The following HELLS variants were observed in gnomAD, a reference collection of about 807,000 sequenced individuals.
HELLS encodes lymphoid-specific helicase.
In HELLS, 32 loss-of-function variants were observed where a neutral mutation model predicts 120.0. The ratio of observed to expected loss-of-function variants is 0.27; its 90% CI spans 0.20 to 0.36. HELLS has a LOEUF of 0.36. Among genes scored for constraint, HELLS ranks in the 10% least tolerant of loss-of-function variants. The pLI, the probability that HELLS is intolerant of heterozygous loss-of-function variation, is 1.00. For synonymous variants in HELLS, 341 were observed against 323.4 expected (o/e 1.05, Z -0.58); for missense variants, 650 against 993.4 (o/e 0.65, Z 4.65).
At chr10:94,563,297 TG>T (rs1317707186) in intron 6 of HELLS, among the ~76,000 whole-genome samples, 1 of 152,088 alleles carries the variant, frequency 6.6e-6, no homozygotes, top group Non-Finnish European at 1.5e-5. Context: ...GGTTTCACCA[TG>T]TTGGCCAGGC....
Position 94,593,531 on chromosome 10 carries a change from T to A in HELLS, c.2004T>A (p.Phe668Leu). The A allele has an allele frequency of 6.2e-7, 1 of 1,613,670 alleles. No individual in the cohort carries two copies. The highest frequency in any genetic ancestry group is 8.5e-7 in the Non-Finnish European group (1 of 1,179,536). Residue 668 changes from phenylalanine (F) to leucine (L), a missense_variant, in exon 18 of 22, where the codon TTT (phenylalanine) becomes TTA (leucine). Coordinates refer to ENST00000348459, the MANE Select transcript of HELLS (RefSeq NM_018063.5). Reference sequence around the variant, plus strand: ...GCTTCAACACGGATCCAGAGGTGTTTATCTTCTTAGTGAGTACACGAGCTG... The same window carrying A: ...GCTTCAACACGGATCCAGAGGTGTTAATCTTCTTAGTGAGTACACGAGCTG... ...MHSFNTDPEV[F>L]IFLVSTRAGG...
rs144315396 is a variant in HELLS, at chr10:94,574,308, A to G, written c.705+121A>G. 4.0e-5 allele frequency: 30 copies of G among 742,238 alleles called. No homozygotes were observed. The South Asian group carries it at 4.1e-4, about 10-fold the overall frequency. 46.0% of individuals were successfully genotyped at this position (742,238 alleles called of 1,614,324 possible). A position where few individuals can be genotyped will look rare whatever the true frequency, so the allele number is the denominator to read the frequency against. On this transcript the variant is annotated intron_variant, in intron 8 of 21. Transcript: ENST00000348459. ...TTCACTATTATACATTTGTATGTGGATACTTGCTTTCTGATTTCTTTACCC... is the reference window on the plus strand; with the variant it reads ...TTCACTATTATACATTTGTATGTGGGTACTTGCTTTCTGATTTCTTTACCC...
At chr10:94,560,540 C>G (rs1269346426) in intron 4 of HELLS, among the ~76,000 whole-genome samples, 1 of 151,610 alleles carries the variant, frequency 6.6e-6, no homozygotes, top group Non-Finnish European at 1.5e-5. Flanking sequence ...GCTAAAAATA[C>G]AAAAAATTAG....
chr10:94,592,301 A>G lies in HELLS; in HGVS notation c.1840A>G (p.Arg614Gly). ...TCGAATGCTGCCAGAACTAAAAAAA[A>G]GAGGTCACAAGGTGGTACTTTTGAT... ...LDRMLPELKK[R>G]GHKVLLFSQM... The change falls in exon 16 of 22, where the codon AGA (arginine) becomes GGA (glycine). Residue 614 changes from arginine to glycine, a missense_variant. Around this residue, in one of 9 missense-constraint regions of HELLS, gnomAD observed 191 missense variants for 259.7 expected, o/e 0.74. Coordinates refer to ENST00000348459, the MANE Select transcript of HELLS (RefSeq NM_018063.5). 2.5e-6 allele frequency: 4 copies of G among 1,610,464 alleles called. No individual in the cohort carries two copies. The highest frequency in any genetic ancestry group is 3.4e-6 in the Non-Finnish European group (4 of 1,178,272).
At chr10:94,558,628 G>A (rs571340391) in intron 4 of HELLS, among the ~76,000 whole-genome samples, 1 of 151,932 alleles carries the variant, frequency 6.6e-6, no homozygotes, top group Admixed American at 6.6e-5. Context: ...TTGAGACGGG[G>A]ACTCGCTCTG....
At chr10:94,579,080 GGACCCCT>G in intron 10 of HELLS, among the ~76,000 whole-genome samples, 1 of 152,120 alleles carries the variant, frequency 6.6e-6, no homozygotes, top group Non-Finnish European at 1.5e-5. Context: ...TGGGGGTTGG[GGACCCCT>G]GATTTAAAGC....
chr10:94,606,054 A>G (rs181378598), downstream of HELLS, among the ~76,000 whole-genome samples: 7 of 143,804 alleles, frequency 4.9e-5, no homozygotes, highest in East Asian at 1.4e-3. Context: ...GTGTCTTGGT[A>G]TGGGTCTTTT....
chr10:94,561,067 C>CA lies in HELLS; in HGVS notation c.334-1617dup, dbSNP rs1298844188. Reference sequence around the variant, plus strand: ...CAAGACTCTGTCTCAAAAAAAAAAACAAAAAAACAAAAAAAAAACCCTCTG... The same window carrying CA: ...CAAGACTCTGTCTCAAAAAAAAAAACAAAAAAAACAAAAAAAAAACCCTCTG... On this transcript the variant is annotated intron_variant, in intron 4 of 21. Transcript: ENST00000348459. 6.3e-5 allele frequency among the ~76,000 whole-genome samples: 9 copies of CA among 143,094 alleles called. No individual in the cohort carries two copies. In the South Asian group the frequency reaches 6.8e-4, roughly 11 times the overall value. 93.9% of individuals were successfully genotyped at this position (143,094 alleles called of 152,430 possible).
chr10:94,584,260 A>G, intron 12 of HELLS: 1 of 394,428 alleles, frequency 2.5e-6, no homozygotes, highest in Non-Finnish European at 4.5e-6. Context: ...AATGGTTTAT[A>G]ATAACTATAT....
In HELLS at chr10:94,569,286, G is replaced by T. The variant is rs1364947763; in HGVS notation, c.436-2102G>T. The T allele has an allele frequency of 2.0e-5, 3 of 152,038 alleles. No individual in the cohort carries two copies. The East Asian group carries it at 5.8e-4, about 29-fold the overall frequency. The allele number at this position is 152,038 out of a possible 1,614,324, so 9.4% of individuals were successfully genotyped here. A position where few individuals can be genotyped will look rare whatever the true frequency, so the allele number is the denominator to read the frequency against. Reference sequence around the variant, plus strand: ...CAACCTTTGCCTCTTGGGTTCAAGTGAGTCTCCTGTCTCAGCCTCCCAAGT... The same window carrying T: ...CAACCTTTGCCTCTTGGGTTCAAGTTAGTCTCCTGTCTCAGCCTCCCAAGT... On this transcript the variant is annotated intron_variant, in intron 6 of 21. Coordinates refer to ENST00000348459, the MANE Select transcript of HELLS (RefSeq NM_018063.5).
At chr10:94,578,319 G>C (rs1414990942) in intron 10 of HELLS, among the ~76,000 whole-genome samples, 2 of 152,148 alleles carry the variant, frequency 1.3e-5, no homozygotes, top group Non-Finnish European at 2.9e-5. Flanking sequence ...CATGGACCAT[G>C]GGTGGGGGAT....
intron 21 of HELLS, among the ~76,000 whole-genome samples, chr10:94,600,353 T>A (rs1218268290): frequency 6.6e-6 from 1 of 151,098 alleles, no homozygotes; most frequent in African/African-American, 2.4e-5. Context: ...TTAAAATTTA[T>A]ATGAGAGAGT....
intron 2 of HELLS, among the ~76,000 whole-genome samples, chr10:94,546,787 A>G (rs964787277): frequency 3.3e-5 from 5 of 152,230 alleles, no homozygotes; most frequent in African/African-American, 9.6e-5. Context: ...TTCAAAGTCC[A>G]TAGTGAGTTT....
intron 10 of HELLS, among the ~76,000 whole-genome samples, chr10:94,580,186 T>C (rs60398827): frequency 0.019 from 703 of 37,948 alleles, 18 homozygotes; most frequent in East Asian, 0.14. Flanking sequence ...CACACACACA[T>C]TTTTTTTTTT....
In HELLS at chr10:94,597,059, G is replaced by C. The variant is rs1208804637; in HGVS notation, c.2370G>C (p.Lys790Asn). Residue 790 changes from lysine (K) to asparagine (N), a missense_variant, in exon 21 of 22, where the codon AAG becomes AAC. By Grantham distance (94) the Lys-to-Asn change is moderately conservative. Transcript: ENST00000348459. ...YEREIKGSREKVISDKDLELL... is the reference protein window; with the variant it reads ...YEREIKGSRENVISDKDLELL... ...GGGAAATAAAAGGATCAAGAGAGAA[G>C]GTCATTAGTGATAAAGATCTAGAGT... 1.3e-6 allele frequency: 2 copies of C among 1,595,144 alleles called. No individual in the cohort carries two copies. Among genetic ancestry groups the C allele is most frequent in the Admixed American group, 3.3e-5 (2 of 59,842 alleles).
chr10:94,584,722 A>G (rs1227539445), intron 12 of HELLS, among the ~76,000 whole-genome samples: 2 of 152,178 alleles, frequency 1.3e-5, no homozygotes, highest in African/African-American at 2.4e-5. Context: ...AGTAATTGTC[A>G]TAGTTGATAA....
intron 6 of HELLS, among the ~76,000 whole-genome samples, chr10:94,563,520 T>C (rs1843653543): frequency 6.6e-6 from 1 of 152,030 alleles, no homozygotes; most frequent in Non-Finnish European, 1.5e-5. Flanking sequence ...AGGGTATCAC[T>C]CTGTGACTCA....
At chr10:94,577,169 G>C (rs908500425) in intron 10 of HELLS, 2 of 384,546 alleles carry the variant, frequency 5.2e-6, no homozygotes, top group African/African-American at 4.2e-5. Context: ...GTTATTTTTA[G>C]AGTATCTTAT....
intron 21 of HELLS, among the ~76,000 whole-genome samples, chr10:94,599,237 C>CT (rs1564620441): frequency 4.1e-4 from 63 of 152,242 alleles, no homozygotes; most frequent in African/African-American, 1.5e-3. Context: ...TTATGTGAGG[C>CT]ATGTAAGGAC....
Sources: allele counts gnomAD v4.1 joint callset (sites outside exome capture counted in the v4.1 genomes callset), GRCh38; gene constraint gnomAD v4.1.1; regional missense constraint gnomAD v4.1.1; transcripts MANE v1.5; gene names NCBI Gene and HGNC (gene_info 2026-07-23, HGNC 2026-07-21).